PDZD2: variants seen among roughly 807,000 people sequenced by gnomAD.
PDZD2 encodes the protein PDZ domain containing 2, also known as PDZ domain-containing protein 2.
PDZD2 carries 90 observed loss-of-function variants against 220.7 expected under a neutral mutation model. The observed-to-expected ratio is 0.41, with a 90% CI of 0.34 to 0.49. The LOEUF (loss-of-function observed/expected upper bound fraction) is 0.49. Among genes scored for constraint, PDZD2 ranks in the 20% least tolerant of loss-of-function variants. The probability of loss-of-function intolerance (pLI) is 0.28; values close to 1 mark genes in which losing one functional copy is unlikely to be tolerated. For missense variants in PDZD2, 3,174 were observed against 3,608.5 expected, an observed-to-expected ratio of 0.88 and a Z score of 3.08; for synonymous variants, 1,375 against 1,450.5, an observed-to-expected ratio of 0.95 and a Z score of 1.18.
At chr5:31,830,027 G>T (rs1442970256) in intron 2 of PDZD2, among the ~76,000 whole-genome samples, 1 of 152,086 alleles carries the variant, frequency 6.6e-6, no homozygotes, top group Non-Finnish European at 1.5e-5. Context: ...TAGCCTGGGT[G>T]ACAGAGCGAG....
At chr5:31,666,335 C>T (rs779964297) in intron 1 of PDZD2, among the ~76,000 whole-genome samples, 8 of 152,192 alleles carry the variant, frequency 5.3e-5, no homozygotes, top group Non-Finnish European at 8.8e-5. Context: ...TGTAAAGGAG[C>T]ATGGGGTTTT....
At chr5:31,973,027 T>A (rs7721086) in intron 2 of PDZD2, among the ~76,000 whole-genome samples, 10,111 of 152,316 alleles carry the variant, frequency 0.066, 495 homozygotes, top group African/African-American at 0.14. Context: ...GCAGTACGTT[T>A]TATAAAATCA....
intron 1 of PDZD2, among the ~76,000 whole-genome samples, chr5:31,664,291 C>T (rs1458334613): frequency 1.3e-5 from 2 of 152,086 alleles, no homozygotes; most frequent in African/African-American, 4.8e-5. Context: ...ACACGCACCA[C>T]CGCACCCAGC....
chr5:32,035,576 T>C (rs1388411464), intron 6 of PDZD2, among the ~76,000 whole-genome samples: 2 of 151,792 alleles, frequency 1.3e-5, no homozygotes, highest in African/African-American at 4.8e-5. Context: ...GCTCAAGTGA[T>C]CCTCCTGTCT....
chr5:31,900,564 C>G (rs1436704713), intron 2 of PDZD2, among the ~76,000 whole-genome samples: 2 of 152,194 alleles, frequency 1.3e-5, no homozygotes, highest in African/African-American at 2.4e-5. Context: ...TTCCCACACT[C>G]TGCTTGGGTC....
intron 1 of PDZD2, among the ~76,000 whole-genome samples, chr5:31,789,848 G>C (rs747941445): frequency 1.3e-5 from 2 of 152,148 alleles, no homozygotes; most frequent in Non-Finnish European, 2.9e-5. Flanking sequence ...AACCTGGAAG[G>C]TGGAGGTTGC....
chr5:31,766,237 T>C (rs1203054758), intron 1 of PDZD2, among the ~76,000 whole-genome samples: 1 of 152,210 alleles, frequency 6.6e-6, no homozygotes, highest in Non-Finnish European at 1.5e-5. Flanking sequence ...CACTGCTTTA[T>C]GTCAGGAAAA....
chr5:31,904,368 A>G (rs1742428471), intron 2 of PDZD2, among the ~76,000 whole-genome samples: 1 of 152,188 alleles, frequency 6.6e-6, no homozygotes, highest in Non-Finnish European at 1.5e-5. Flanking sequence ...AAGCCAAGAA[A>G]ATAGATCTCT....
chr5:32,077,899 G>A, intron 19 of PDZD2: 1 of 303,270 alleles, frequency 3.3e-6, no homozygotes, highest in Non-Finnish European at 6.2e-6. Context: ...GGAGGTTGCA[G>A]TGAGCCAAGG....
At chr5:32,014,887 T>G (rs900739981) in intron 6 of PDZD2, among the ~76,000 whole-genome samples, 2 of 151,304 alleles carry the variant, frequency 1.3e-5, no homozygotes, top group South Asian at 4.2e-4. Flanking sequence ...TTTTGTATTT[T>G]TAGTAGAGAA....
intron 2 of PDZD2, among the ~76,000 whole-genome samples, chr5:31,882,729 T>G (rs1740038319): frequency 6.6e-6 from 1 of 151,984 alleles, no homozygotes; most frequent in Non-Finnish European, 1.5e-5. Flanking sequence ...AACCTACAAT[T>G]TAAAAGGCCC....
At chr5:31,692,656 A>T (rs1469383198) in intron 1 of PDZD2, among the ~76,000 whole-genome samples, 1 of 152,228 alleles carries the variant, frequency 6.6e-6, no homozygotes. Context: ...CAGCCAGGAC[A>T]CAGAGGCATT....
intron 2 of PDZD2, among the ~76,000 whole-genome samples, chr5:31,914,877 T>C (rs753995864): frequency 3.7e-4 from 57 of 152,182 alleles, no homozygotes; most frequent in Non-Finnish European, 7.1e-4. Context: ...AATTCTGACA[T>C]GTGCTCATAC....
rs1015283049 is a variant in PDZD2 at position 32,083,516 on chromosome 5, G to T, written c.3683-3615G>T. 6.6e-6 allele frequency: 1 copy of T among 152,152 alleles called. No homozygotes were observed. Among genetic ancestry groups the T allele is most frequent in the African/African-American group, 2.4e-5 (1 of 41,434 alleles). 9.4% of individuals were successfully genotyped at this position (152,152 alleles called of 1,614,324 possible). A position where few individuals can be genotyped will look rare whatever the true frequency, so the allele number is the denominator to read the frequency against. ...CCTCCCATGATTGGGCATTTCGAACGTTTCCAGAGAAAAGGTTGTCTTGAA... is the reference window on the plus strand; with the variant it reads ...CCTCCCATGATTGGGCATTTCGAACTTTTCCAGAGAAAAGGTTGTCTTGAA... On this transcript the variant is annotated intron_variant, in intron 19 of 24. Transcript: ENST00000438447. The surrounding 1 kb of genome is among the most constrained non-coding windows in gnomAD (Gnocchi z 4.1).
At chr5:31,682,277 CTGTTT>C (rs1457376510) in intron 1 of PDZD2, among the ~76,000 whole-genome samples, 1 of 152,132 alleles carries the variant, frequency 6.6e-6, no homozygotes, top group Non-Finnish European at 1.5e-5. Context: ...TGTCTGTGGT[CTGTTT>C]TAAGTTTGGG....
Position 31,655,989 on chromosome 5 carries a change from A to G in PDZD2, c.-361+16552A>G, listed in dbSNP as rs1031681067. 9.2e-5 allele frequency among the ~76,000 whole-genome samples: 14 copies of G among 152,188 alleles called. 1 individual carries two copies. Among genetic ancestry groups the G allele is most frequent in the Non-Finnish European group, 1.5e-5 (1 of 68,034 alleles). On this transcript the variant is annotated intron_variant, in intron 1 of 24. Coordinates refer to ENST00000438447, the MANE Select transcript of PDZD2 (RefSeq NM_178140.4). Reference sequence around the variant, plus strand: ...GGTTTAAATTGGATCATCTCATTAGAGTGGTTGGAGTGGACATTCTTCCAT... The same window carrying G: ...GGTTTAAATTGGATCATCTCATTAGGGTGGTTGGAGTGGACATTCTTCCAT...
chr5:31,669,415 A>T (rs545808774), intron 1 of PDZD2, among the ~76,000 whole-genome samples: 3 of 151,634 alleles, frequency 2.0e-5, no homozygotes, highest in South Asian at 2.1e-4. Context: ...AAAAAAAAAA[A>T]AAAAAAAATA....
chr5:32,002,807 CACCAACACACACCACACATACAT>C (rs1350022563), intron 5 of PDZD2, among the ~76,000 whole-genome samples: 173 of 133,732 alleles, frequency 1.3e-3, no homozygotes, highest in African/African-American at 4.6e-3. Context: ...CCAACACAAC[CACCAACACACACCACACATACAT>C]ACCAACACAC....
chr5:31,721,322 G>A (rs1251420035), intron 1 of PDZD2, among the ~76,000 whole-genome samples: 2 of 152,192 alleles, frequency 1.3e-5, no homozygotes, highest in African/African-American at 4.8e-5. Flanking sequence ...GAACCCGTGT[G>A]AGAACTGCCT....
Sources: gnomAD v4.1 joint callset for allele counts (sites outside exome capture counted in the v4.1 genomes callset) on GRCh38, gnomAD v4.1.1 for gene constraint, Gnocchi (gnomAD v3.1) non-coding constraint, MANE v1.5 for transcripts, NCBI Gene and HGNC (gene_info 2026-07-23, HGNC 2026-07-21) for gene names.